Variants in SELENOT observed in about 807,000 individuals in gnomAD.
SELENOT encodes thioredoxin reductase-like selenoprotein T.
In SELENOT, 9 loss-of-function variants were observed where a neutral mutation model predicts 24.3. The ratio of observed to expected loss-of-function variants is 0.37; its 90% CI spans 0.22 to 0.65. The LOEUF (loss-of-function observed/expected upper bound fraction) is 0.65, where lower values mean the gene tolerates loss of function less well. Ranked by LOEUF, SELENOT falls within the 30% of genes least tolerant of loss-of-function variation. The pLI is 0.60. For missense variants in SELENOT, 166 were observed against 247.6 expected, an observed-to-expected ratio of 0.67 and a Z score of 2.21; for synonymous variants, 81 against 86.0, an observed-to-expected ratio of 0.94 and a Z score of 0.32.
chr3:150,624,925 GTGAT>G (rs1559899069), intron 4 of SELENOT, 26 bp downstream of exon 4: 5 of 1,321,814 alleles, frequency 3.8e-6, no homozygotes, highest in Non-Finnish European at 5.2e-6. Flanking sequence ...TTTGCATTTT[GTGAT>G]TGATTTTAAA....
intron 1 of SELENOT, among the ~76,000 whole-genome samples, chr3:150,620,182 A>G (rs543211523): frequency 1.3e-5 from 2 of 152,272 alleles, no homozygotes; most frequent in South Asian, 4.1e-4. Context: ...CAGCCTGCGC[A>G]TATGCACATC....
intron 1 of SELENOT, among the ~76,000 whole-genome samples, chr3:150,604,027 G>A (rs1725903450): frequency 6.6e-6 from 1 of 152,216 alleles, no homozygotes; most frequent in Non-Finnish European, 1.5e-5. Context: ...ACTTGCTGGG[G>A]GGACTGTTGA....
chr3:150,628,939 A>T lies in SELENOT; in HGVS notation c.*1310A>T, dbSNP rs977921456. On this transcript the variant is annotated 3_prime_UTR_variant, in exon 6 of 6. Coordinates refer to ENST00000471696, the MANE Select transcript of SELENOT (RefSeq NM_016275.5). ...GACAAGAAGTATTTCAGATTTCATA[A>T]TTTTTTTCAAAGTTTGGAATATTTG... 2 of 152,040 alleles carry T rather than the reference A, an allele frequency of 1.3e-5. No individual in the cohort carries two copies. The highest frequency in any genetic ancestry group is 4.8e-5 in the African/African-American group (2 of 41,386). 9.4% of individuals were successfully genotyped at this position (152,040 alleles called of 1,614,324 possible).
Position 150,624,907 on chromosome 3 carries a change from C to G in SELENOT, c.463+8C>G. ...TTGAGATAACTTTAAATGGTAGGTTCTGAATAGTTTGCATTTTGTGATTGA... is the reference window on the plus strand; with the variant it reads ...TTGAGATAACTTTAAATGGTAGGTTGTGAATAGTTTGCATTTTGTGATTGA... On this transcript the variant is annotated splice_region_variant and intron_variant, in intron 4 of 5. Coordinates refer to ENST00000471696, the MANE Select transcript of SELENOT (RefSeq NM_016275.5). The G allele has an allele frequency of 6.8e-7, 1 of 1,480,198 alleles. No homozygotes were observed. The highest frequency in any genetic ancestry group is 9.1e-7 in the Non-Finnish European group (1 of 1,093,742). The allele number at this position is 1,480,198 out of a possible 1,614,324, so 91.7% of individuals were successfully genotyped here.
At position 150,627,158 on chromosome 3, in the gene SELENOT, T is replaced by C. The variant is rs79385767; in HGVS notation, c.*24T>C. 115 of 1,601,998 alleles carry C rather than the reference T, an allele frequency of 7.2e-5. No individual in the cohort carries two copies. In the East Asian group the frequency reaches 2.5e-3, roughly 35 times the overall value. On this transcript the variant is annotated 3_prime_UTR_variant, in exon 5 of 6. Transcript: ENST00000471696. ...AGCACCACCTATCAGCACTGAAAAC[T>C]CTTTTGTAAGTTGTTTAAAATATAG...
At chr3:150,626,835 T>C in intron 4 of SELENOT, 175 bp from the exon 5 acceptor site, 2 of 591,030 alleles carry the variant, frequency 3.4e-6, no homozygotes, top group Non-Finnish European at 5.9e-6. Context: ...GCCATTTGTG[T>C]AGTTCTTTTG....
chr3:150,623,315 G>A, intron 3 of SELENOT, 146 bp downstream of exon 3: 1 of 700,526 alleles, frequency 1.4e-6, no homozygotes, highest in Non-Finnish European at 2.1e-6. Context: ...CTCTGGGGAA[G>A]TCACTTAGCC....
rs746934972 is a variant in SELENOT, at chr3:150,627,162, T to C, written c.*28T>C. 17 of 1,597,100 alleles carry C rather than the reference T, an allele frequency of 1.1e-5. No homozygotes were observed. The South Asian group carries it at 1.1e-4, about 11-fold the overall frequency. Reference sequence around the variant, plus strand: ...CCACCTATCAGCACTGAAAACTCTTTTGTAAGTTGTTTAAAATATAGCTAA... The same window carrying C: ...CCACCTATCAGCACTGAAAACTCTTCTGTAAGTTGTTTAAAATATAGCTAA... On this transcript the variant is annotated splice_region_variant and 3_prime_UTR_variant, in exon 5 of 6. Transcript: ENST00000471696.
chr3:150,611,145 CAA>C, intron 1 of SELENOT: 1 of 617,562 alleles, frequency 1.6e-6, no homozygotes, highest in East Asian at 2.9e-5. Context: ...GAGTCAGAAA[CAA>C]AGAAAATAAA....
At chr3:150,610,265 C>A (rs1456384473) in intron 1 of SELENOT, among the ~76,000 whole-genome samples, 1 of 152,144 alleles carries the variant, frequency 6.6e-6, no homozygotes, top group African/African-American at 2.4e-5. Context: ...TATAAAGGTA[C>A]CCTTTTCTTT....
At chr3:150,606,659 C>G (rs780488525) in intron 1 of SELENOT, among the ~76,000 whole-genome samples, 23 of 152,070 alleles carry the variant, frequency 1.5e-4, no homozygotes, top group Admixed American at 3.9e-4. Flanking sequence ...GTGGTGTGAT[C>G]TCAGCTCACT....
intron 4 of SELENOT, among the ~76,000 whole-genome samples, chr3:150,625,870 CTTT>C (rs34698339): frequency 2.9e-5 from 4 of 139,300 alleles, no homozygotes; most frequent in Admixed American, 7.3e-5. Context: ...TAAACAATAA[CTTT>C]TTTTTTTTTT....
intron 3 of SELENOT, among the ~76,000 whole-genome samples, chr3:150,624,493 C>T (rs1459084852): frequency 1.3e-5 from 2 of 152,116 alleles, no homozygotes; most frequent in Non-Finnish European, 2.9e-5. Flanking sequence ...TATGGAGTTA[C>T]TAATTTTGCA....
At chr3:150,611,779 G>A (rs1726098782) in intron 1 of SELENOT, 7 of 1,158,604 alleles carry the variant, frequency 6.0e-6, no homozygotes, top group Admixed American at 2.1e-5. Flanking sequence ...CCGCCCCTGC[G>A]CCCGGCCCCT....
intron 1 of SELENOT, among the ~76,000 whole-genome samples, chr3:150,605,274 T>C (rs1725937366): frequency 6.6e-6 from 1 of 152,214 alleles, no homozygotes; most frequent in South Asian, 2.1e-4. Context: ...TATCCTACTT[T>C]TATCTCTTGG....
chr3:150,619,631 T>C (rs541885379), intron 1 of SELENOT, among the ~76,000 whole-genome samples: 33 of 152,348 alleles, frequency 2.2e-4, no homozygotes, highest in Non-Finnish European at 3.5e-4. Flanking sequence ...ATTTTTAGTG[T>C]GTTCATATAC....
intron 1 of SELENOT, among the ~76,000 whole-genome samples, chr3:150,619,220 CAAAAA>C (rs761458301): frequency 1.2e-5 from 1 of 80,492 alleles, no homozygotes. Context: ...GACTCCGTCT[CAAAAA>C]AAAAAAAAAA....
chr3:150,615,005 TCCCTCCC>T (rs1340605767), intron 1 of SELENOT, among the ~76,000 whole-genome samples: 5 of 116,738 alleles, frequency 4.3e-5, no homozygotes, highest in East Asian at 5.7e-4. Flanking sequence ...CCCAATGCTA[TCCCTCCC>T]CCCTCCCCCC....
chr3:150,624,765 T>TACC, intron 3 of SELENOT, 47 bp from the exon 4 acceptor site: 2 of 1,217,542 alleles, frequency 1.6e-6, no homozygotes, highest in Non-Finnish European at 2.3e-6. Flanking sequence ...AAAGAGCATT[T>TACC]ACCAAACATG....
Sources: allele counts gnomAD v4.1 joint callset (sites outside exome capture counted in the v4.1 genomes callset), GRCh38; gene constraint gnomAD v4.1.1; transcripts MANE v1.5; gene names NCBI Gene and HGNC (gene_info 2026-07-23, HGNC 2026-07-21).